SNX14: variants seen among roughly 807,000 people sequenced by gnomAD.
SNX14 encodes the protein sorting nexin 14.
In SNX14, 93 loss-of-function variants were observed where a neutral mutation model predicts 133.8. That is an observed-to-expected ratio of 0.70 (90% CI 0.59 to 0.83). SNX14 has a LOEUF of 0.83. Among genes scored for constraint, SNX14 ranks in the 40% least tolerant of loss-of-function variants. The pLI, the probability that SNX14 is intolerant of heterozygous loss-of-function variation, is 0.00. For missense variants in SNX14, 945 were observed against 1,094.9 expected (o/e 0.86, Z 1.93); for synonymous variants, 368 against 365.6 (o/e 1.01, Z -0.07).
chr6:85,543,701 G>A lies in SNX14; in HGVS notation c.1168C>T (p.His390Tyr), dbSNP rs1405848289. ...ELSNDEMLSL[H>Y]EELQKIYKTY... ...TTATAAATCTTCTGCAATTCTTCATGAAGAGACAGCATTTCATCATTTGAT... is the reference window on the plus strand; with the variant it reads ...TTATAAATCTTCTGCAATTCTTCATAAAGAGACAGCATTTCATCATTTGAT... Residue 390 changes from histidine to tyrosine, a missense_variant, in exon 13 of 29, where the codon CAT becomes TAT. His to Tyr is a moderately conservative substitution (Grantham distance 83, BLOSUM62 2). Coordinates refer to ENST00000314673, the MANE Select transcript of SNX14 (RefSeq NM_153816.6). 6.3e-7 allele frequency: 1 copy of A among 1,588,416 alleles called. No individual in the cohort carries two copies. Among genetic ancestry groups the A allele is most frequent in the South Asian group, 1.2e-5 (1 of 85,846 alleles).
At chr6:85,588,436 G>A (rs1172916904) in intron 1 of SNX14, among the ~76,000 whole-genome samples, 1 of 151,958 alleles carries the variant, frequency 6.6e-6, no homozygotes, top group Non-Finnish European at 1.5e-5. Context: ...AATTAGCCGG[G>A]CGCGGTGGCG....
chr6:85,545,582 A>G (rs1441726804), intron 12 of SNX14, among the ~76,000 whole-genome samples: 1 of 152,258 alleles, frequency 6.6e-6, no homozygotes, highest in Middle Eastern at 3.2e-3. Context: ...AAATTCATTA[A>G]GAAGATATAA....
At chr6:85,533,884 G>T in intron 17 of SNX14, 84 bp from the exon 18 acceptor site, 1 of 1,019,996 alleles carries the variant, frequency 9.8e-7, no homozygotes, top group Non-Finnish European at 1.4e-6. Flanking sequence ...AAAGTAATAT[G>T]CCCATATCAA....
intron 17 of SNX14, among the ~76,000 whole-genome samples, chr6:85,535,604 CAA>C (rs10707377): frequency 0.012 from 1,001 of 84,340 alleles, 7 homozygotes; most frequent in African/African-American, 0.037. Flanking sequence ...GACTCCGTCT[CAA>C]AAAAAAAAAA....
intron 19 of SNX14, among the ~76,000 whole-genome samples, chr6:85,529,213 G>T (rs902212680): frequency 7.9e-5 from 12 of 151,920 alleles, no homozygotes; most frequent in African/African-American, 2.4e-4. Context: ...AGATCTCTGT[G>T]GTGAGCCAAC....
chr6:85,580,745 T>C lies in SNX14; in HGVS notation c.141-6367A>G, dbSNP rs189326622. Among the ~76,000 whole-genome samples, 369 of 152,260 alleles carry C rather than the reference T, an allele frequency of 2.4e-3. 2 individuals are homozygous for C. Among genetic ancestry groups the C allele is most frequent in the Non-Finnish European group, 3.9e-3 (265 of 68,000 alleles). The stretch of plus-strand genomic sequence containing the variant: ...CACTCCCATGGGCTTATGGTGGTAG[T>C]TGACACGGAGAGAGGCTCTTTTGCC... On this transcript the variant is annotated intron_variant, in intron 1 of 28. Transcript: ENST00000314673.
At chr6:85,522,085 C>A (rs1375001818) in intron 21 of SNX14, among the ~76,000 whole-genome samples, 2 of 152,168 alleles carry the variant, frequency 1.3e-5, no homozygotes, top group Non-Finnish European at 2.9e-5. Context: ...TTTTCTAATA[C>A]CTTTACAGGT....
intron 1 of SNX14, chr6:85,588,800 G>C: frequency 2.2e-6 from 1 of 449,308 alleles, no homozygotes; most frequent in Admixed American, 2.4e-5. Flanking sequence ...TTCTTACAAT[G>C]ATGTAAGCTA....
intron 7 of SNX14, among the ~76,000 whole-genome samples, chr6:85,557,486 C>A (rs956729828): frequency 1.3e-5 from 2 of 151,970 alleles, no homozygotes; most frequent in Non-Finnish European, 2.9e-5. Flanking sequence ...GTCATCCTGG[C>A]CAAAGCATAA....
chr6:85,546,252 G>A lies in SNX14; in HGVS notation c.1108+860C>T, dbSNP rs184766686. Among the ~76,000 whole-genome samples, 7 of 152,302 alleles carry A rather than the reference G, an allele frequency of 4.6e-5. No individual in the cohort carries two copies. In the East Asian group the frequency reaches 7.7e-4, roughly 17 times the overall value. ...AGATCTTGATAAAGATGCAGGTTAC[G>A]TGGATGTACACACATGCAAAACTGA... On this transcript the variant is annotated intron_variant, in intron 12 of 28. Coordinates refer to ENST00000314673, the MANE Select transcript of SNX14 (RefSeq NM_153816.6).
chr6:85,576,086 ATTT>A (rs1323699832), intron 1 of SNX14, among the ~76,000 whole-genome samples: 1 of 152,122 alleles, frequency 6.6e-6, no homozygotes, highest in Admixed American at 6.6e-5. Context: ...TCTTGACAAA[ATTT>A]TTTAAAACTC....
chr6:85,522,281 A>C (rs1777140339), intron 21 of SNX14, among the ~76,000 whole-genome samples: 1 of 152,172 alleles, frequency 6.6e-6, no homozygotes, highest in South Asian at 2.1e-4. Flanking sequence ...CCATGGGTCT[A>C]CTGATTTGGT....
intron 23 of SNX14, among the ~76,000 whole-genome samples, chr6:85,516,584 A>C (rs914385554): frequency 6.6e-6 from 1 of 151,818 alleles, no homozygotes; most frequent in Non-Finnish European, 1.5e-5. Flanking sequence ...AGAAAGAAAA[A>C]TTATAGGCTA....
chr6:85,548,787 T>A lies in SNX14; in HGVS notation c.792-411A>T, dbSNP rs183153844. 6.8e-4 allele frequency among the ~76,000 whole-genome samples: 104 copies of A among 151,984 alleles called. 1 individual carries two copies. The East Asian group carries it at 0.018, about 27-fold the overall frequency. On this transcript the variant is annotated intron_variant, in intron 8 of 28. Coordinates refer to ENST00000314673, the MANE Select transcript of SNX14 (RefSeq NM_153816.6). ...TTCAAGACCAGCCTGGCCAACATGA[T>A]GAAACCCCGTCTCTACTAAAAATAC...
chr6:85,526,044 A>C (rs770976680), intron 21 of SNX14, 82 bp downstream of exon 21: 1 of 871,044 alleles, frequency 1.1e-6, no homozygotes, highest in Non-Finnish European at 1.8e-6. Context: ...CATAGGCTAT[A>C]CTATATATTT....
rs541873593 is a variant in SNX14 at position 85,505,859 on chromosome 6, A to G, written c.*108T>C. 3.1e-4 allele frequency: 223 copies of G among 712,008 alleles called. No individual in the cohort carries two copies. The highest frequency in any genetic ancestry group is 4.3e-4 in the Non-Finnish European group (180 of 414,796). 44.1% of individuals were successfully genotyped at this position (712,008 alleles called of 1,614,324 possible). A position where few individuals can be genotyped will look rare whatever the true frequency, so the allele number is the denominator to read the frequency against. On this transcript the variant is annotated 3_prime_UTR_variant, in exon 29 of 29. Coordinates refer to ENST00000314673, the MANE Select transcript of SNX14 (RefSeq NM_153816.6). The stretch of plus-strand genomic sequence containing the variant: ...AAAAACAAAAAATAACTAAAATTTC[A>G]GACAGCGATGTACATAATATATATA...
chr6:85,584,797 G>A (rs1249834996), intron 1 of SNX14, among the ~76,000 whole-genome samples: 2 of 152,154 alleles, frequency 1.3e-5, no homozygotes, highest in Non-Finnish European at 2.9e-5. Flanking sequence ...TTACACTGTT[G>A]GTGGGAGTGT....
chr6:85,580,281 G>A (rs1798634349), intron 1 of SNX14, among the ~76,000 whole-genome samples: 1 of 152,050 alleles, frequency 6.6e-6, no homozygotes, highest in South Asian at 2.1e-4. Context: ...GACCCATCCT[G>A]GCAGGATTCA....
Position 85,572,378 on chromosome 6 carries a change from A to G in SNX14, c.262-4T>C, listed in dbSNP as rs1235856892. 1 of 1,608,474 alleles carries G rather than the reference A, an allele frequency of 6.2e-7. No homozygotes were observed. Among genetic ancestry groups the G allele is most frequent in the Admixed American group, 1.7e-5 (1 of 59,104 alleles). Reference sequence around the variant, plus strand: ...ATAATTCCTGAAGTCCTAACTGCTAAAAAAGGAAAATGAGAGGTGGTGGGG... The same window carrying G: ...ATAATTCCTGAAGTCCTAACTGCTAGAAAAGGAAAATGAGAGGTGGTGGGG... On this transcript the variant is annotated splice_region_variant and splice_polypyrimidine_tract_variant and intron_variant, in intron 2 of 28. Coordinates refer to ENST00000314673, the MANE Select transcript of SNX14 (RefSeq NM_153816.6).
Sources: gnomAD v4.1 joint callset for allele counts (sites outside exome capture counted in the v4.1 genomes callset) on GRCh38, gnomAD v4.1.1 for gene constraint, MANE v1.5 for transcripts, NCBI Gene and HGNC (gene_info 2026-07-23, HGNC 2026-07-21) for gene names.